The following LRRC4C variants were observed in gnomAD, a reference collection of about 807,000 sequenced individuals.
The protein encoded by LRRC4C is leucine-rich repeat-containing protein 4C.
LRRC4C carries 5 observed loss-of-function variants against 33.6 expected under a neutral mutation model. That is an observed-to-expected ratio of 0.15 (90% CI 0.08 to 0.31). The LOEUF (loss-of-function observed/expected upper bound fraction) is 0.31. Ranked by LOEUF, LRRC4C falls within the 10% of genes least tolerant of loss-of-function variation. LRRC4C has a pLI of 1.00. For missense variants in LRRC4C, 560 were observed against 796.7 expected, an observed-to-expected ratio of 0.70 and a Z score of 3.58; for synonymous variants, 329 against 302.0, an observed-to-expected ratio of 1.09 and a Z score of -0.93.
chr11:41,355,210 A>G (rs1257756468), intron 1 of LRRC4C, among the ~76,000 whole-genome samples: 14 of 152,128 alleles, frequency 9.2e-5, no homozygotes, highest in Admixed American at 9.2e-4. Flanking sequence ...GACCAAGAAC[A>G]TGAAAAAATG....
chr11:41,447,330 A>G (rs1955856487), intron 1 of LRRC4C, among the ~76,000 whole-genome samples: 1 of 152,230 alleles, frequency 6.6e-6, no homozygotes, highest in Admixed American at 6.5e-5. Flanking sequence ...TAGAATCAAT[A>G]CATGAAATAT....
intron 4 of LRRC4C, among the ~76,000 whole-genome samples, chr11:40,316,834 G>A (rs1305454915): frequency 6.6e-6 from 1 of 151,896 alleles, no homozygotes; most frequent in Non-Finnish European, 1.5e-5. Flanking sequence ...AAACCAGATA[G>A]CCTTGAATTT....
chr11:40,930,319 T>G (rs76742543), intron 2 of LRRC4C, among the ~76,000 whole-genome samples: 9,216 of 152,302 alleles, frequency 0.061, 391 homozygotes, highest in Admixed American at 0.15. Context: ...TATCCGCTGC[T>G]AGGACTTCCT....
intron 5 of LRRC4C, among the ~76,000 whole-genome samples, chr11:40,181,725 C>T (rs1386719658): frequency 1.3e-5 from 2 of 152,148 alleles, no homozygotes; most frequent in Admixed American, 6.5e-5. Context: ...TCTTACCCAA[C>T]CATGAGGAGA....
At chr11:40,903,176 C>A (rs1956280761) in intron 2 of LRRC4C, among the ~76,000 whole-genome samples, 1 of 152,136 alleles carries the variant, frequency 6.6e-6, no homozygotes, top group East Asian at 1.9e-4. Flanking sequence ...TTCTAAAAAT[C>A]TCAGAACCAA....
At chr11:40,610,108 T>G (rs112288710) in intron 3 of LRRC4C, among the ~76,000 whole-genome samples, 1 of 151,850 alleles carries the variant, frequency 6.6e-6, no homozygotes, top group African/African-American at 2.4e-5. Context: ...ACATCCCTGA[T>G]GAATCTATGA....
At chr11:40,840,679 A>T (rs1591850623) in intron 2 of LRRC4C, among the ~76,000 whole-genome samples, 1 of 152,310 alleles carries the variant, frequency 6.6e-6, no homozygotes, top group East Asian at 1.9e-4. Flanking sequence ...TAGGCAAATC[A>T]AATTTGTATT....
At chr11:40,538,302 G>A (rs1009041076) in intron 3 of LRRC4C, among the ~76,000 whole-genome samples, 1 of 151,550 alleles carries the variant, frequency 6.6e-6, no homozygotes, top group Non-Finnish European at 1.5e-5. Context: ...ACCCACACAG[G>A]CCCCAGTGTG....
At chr11:41,282,254 G>C (rs1949699967) in intron 1 of LRRC4C, among the ~76,000 whole-genome samples, 1 of 152,170 alleles carries the variant, frequency 6.6e-6, no homozygotes, top group African/African-American at 2.4e-5. Context: ...TGGAAAACCA[G>C]AGTTATTTTG....
intron 3 of LRRC4C, among the ~76,000 whole-genome samples, chr11:40,541,478 A>G (rs1413899307): frequency 6.6e-6 from 1 of 152,166 alleles, no homozygotes; most frequent in African/African-American, 2.4e-5. Flanking sequence ...ATTGGGAAGG[A>G]TGAGCAAGTC....
At chr11:40,189,093 C>T (rs746822562) in intron 5 of LRRC4C, among the ~76,000 whole-genome samples, 3 of 152,106 alleles carry the variant, frequency 2.0e-5, no homozygotes, top group African/African-American at 4.8e-5. Context: ...TACGCTTGGG[C>T]TCTAAGATTT....
At chr11:40,153,894 CT>C (rs1161985240) in intron 5 of LRRC4C, among the ~76,000 whole-genome samples, 1 of 152,128 alleles carries the variant, frequency 6.6e-6, no homozygotes, top group Admixed American at 6.5e-5. Context: ...CCTGGCCTAG[CT>C]AGAGAACTAG....
intron 3 of LRRC4C, among the ~76,000 whole-genome samples, chr11:40,598,727 A>G (rs2135790189): frequency 6.6e-6 from 1 of 152,286 alleles, no homozygotes; most frequent in African/African-American, 2.4e-5. Context: ...TTATGGCCTG[A>G]GGAAAAGATG....
intron 5 of LRRC4C, among the ~76,000 whole-genome samples, chr11:40,170,953 G>A (rs1264107039): frequency 1.3e-5 from 2 of 152,166 alleles, no homozygotes; most frequent in African/African-American, 4.8e-5. Flanking sequence ...TTTAAGATGG[G>A]AAGGCATATA....
intron 3 of LRRC4C, among the ~76,000 whole-genome samples, chr11:40,472,946 A>C (rs1350892394): frequency 6.6e-6 from 1 of 152,240 alleles, no homozygotes; most frequent in African/African-American, 2.4e-5. Context: ...ACAAGTTCTG[A>C]AATTGAGGCA....
chr11:40,714,629 G>A (rs1029837138), intron 2 of LRRC4C, among the ~76,000 whole-genome samples: 5 of 152,090 alleles, frequency 3.3e-5, no homozygotes, highest in Admixed American at 2.0e-4. Flanking sequence ...ATGACCAACT[G>A]TCCCCAAAAA....
intron 2 of LRRC4C, among the ~76,000 whole-genome samples, chr11:40,892,211 C>A (rs963208350): frequency 6.6e-6 from 1 of 151,166 alleles, no homozygotes; most frequent in African/African-American, 2.4e-5. Flanking sequence ...TATGATCCAG[C>A]AATCTCACTG....
chr11:41,026,339 C>A (rs2137751746), intron 1 of LRRC4C, among the ~76,000 whole-genome samples: 1 of 151,660 alleles, frequency 6.6e-6, no homozygotes, highest in South Asian at 2.1e-4. Flanking sequence ...GAAGTAACTG[C>A]AGATGTGGTA....
intron 3 of LRRC4C, among the ~76,000 whole-genome samples, chr11:40,401,267 C>T (rs1171175946): frequency 6.6e-6 from 1 of 151,850 alleles, no homozygotes; most frequent in East Asian, 1.9e-4. Flanking sequence ...CCCTCTCTTG[C>T]AAACAGTAAG....
Sources: allele counts gnomAD v4.1 joint callset (sites outside exome capture counted in the v4.1 genomes callset), GRCh38; gene constraint gnomAD v4.1.1; transcripts MANE v1.5; gene names NCBI Gene and HGNC (gene_info 2026-07-23, HGNC 2026-07-21).